FRMD3: variants seen among roughly 807,000 people sequenced by gnomAD.
FRMD3 encodes the protein FERM domain containing 3.
FRMD3 carries 33 observed loss-of-function variants against 70.2 expected under a neutral mutation model. The observed-to-expected ratio is 0.47, with a 90% CI of 0.36 to 0.63. FRMD3 has a LOEUF of 0.63. Ranked by LOEUF, FRMD3 falls within the 20% of genes least tolerant of loss-of-function variation. The probability of loss-of-function intolerance (pLI) is 0.00; values close to 1 mark genes in which losing one functional copy is unlikely to be tolerated. For synonymous variants in FRMD3, 279 were observed against 255.9 expected, an observed-to-expected ratio of 1.09 and a Z score of -0.86; for missense variants, 632 against 711.4, an observed-to-expected ratio of 0.89 and a Z score of 1.27.
At chr9:83,260,177 G>C (rs1270163143) in intron 13 of FRMD3, among the ~76,000 whole-genome samples, 1 of 152,106 alleles carries the variant, frequency 6.6e-6, no homozygotes, top group African/African-American at 2.4e-5. Flanking sequence ...AAGGAGACAG[G>C]GGCACTAAGA....
chr9:83,471,566 C>G (rs139050249), intron 1 of FRMD3, among the ~76,000 whole-genome samples: 1 of 152,196 alleles, frequency 6.6e-6, no homozygotes, highest in East Asian at 1.9e-4. Flanking sequence ...CAGGAAAGCC[C>G]GTACTGCTCC....
At chr9:83,347,938 T>C (rs1384855220) in intron 4 of FRMD3, among the ~76,000 whole-genome samples, 2 of 152,232 alleles carry the variant, frequency 1.3e-5, no homozygotes, top group Non-Finnish European at 2.9e-5. Flanking sequence ...GATATTCCAC[T>C]ATTCATACCT....
chr9:83,301,470 T>G (rs1834922984), intron 10 of FRMD3, among the ~76,000 whole-genome samples: 1 of 151,650 alleles, frequency 6.6e-6, no homozygotes, highest in African/African-American at 2.4e-5. Context: ...TTATTGTGTA[T>G]GTGTTTTTTT....
In FRMD3 at chr9:83,299,373, G is replaced by T. The variant is rs1271726471; in HGVS notation, c.927-187C>A. Among the ~76,000 whole-genome samples, 4 of 152,302 alleles carry T rather than the reference G, an allele frequency of 2.6e-5. No homozygotes were observed. The East Asian group carries it at 7.7e-4, about 29-fold the overall frequency. ...AAAAGAATAGTTACTTTCACTATGTGTATTGCATTCTAATATTTTCTACGC... is the reference window on the plus strand; with the variant it reads ...AAAAGAATAGTTACTTTCACTATGTTTATTGCATTCTAATATTTTCTACGC... On this transcript the variant is annotated intron_variant, in intron 10 of 13. Transcript: ENST00000304195.
chr9:83,466,187 C>G (rs549080552), intron 1 of FRMD3, among the ~76,000 whole-genome samples: 136 of 152,320 alleles, frequency 8.9e-4, no homozygotes, highest in African/African-American at 3.0e-3. Context: ...GTAGCCTTCC[C>G]TGTAACTACC....
At chr9:83,491,326 G>A (rs1342323909) in intron 1 of FRMD3, among the ~76,000 whole-genome samples, 1 of 152,290 alleles carries the variant, frequency 6.6e-6, no homozygotes, top group South Asian at 2.1e-4. Flanking sequence ...GATCATAAAT[G>A]TGTTTGAGAC....
chr9:83,514,610 T>A (rs1030447035), intron 1 of FRMD3, among the ~76,000 whole-genome samples: 15 of 152,186 alleles, frequency 9.9e-5, no homozygotes, highest in African/African-American at 3.6e-4. Context: ...GCTCGAGCTC[T>A]GCTAAGGGAC....
At chr9:83,429,447 T>A (rs1187629773) in intron 1 of FRMD3, among the ~76,000 whole-genome samples, 1 of 152,084 alleles carries the variant, frequency 6.6e-6, no homozygotes, top group Non-Finnish European at 1.5e-5. Flanking sequence ...TTACAAACAT[T>A]CTCCCCAGGA....
intron 12 of FRMD3, among the ~76,000 whole-genome samples, chr9:83,292,442 G>C (rs1366527042): frequency 6.6e-6 from 1 of 151,974 alleles, no homozygotes; most frequent in Admixed American, 6.6e-5. Context: ...TTACAGGCTT[G>C]AGCCACTACG....
chr9:83,291,374 G>A (rs1203191403), intron 12 of FRMD3, among the ~76,000 whole-genome samples: 2 of 152,158 alleles, frequency 1.3e-5, no homozygotes, highest in Non-Finnish European at 2.9e-5. Flanking sequence ...GTTGGGAGCT[G>A]GGGAGCCCGC....
chr9:83,330,627 T>C (rs1836221688), intron 6 of FRMD3, among the ~76,000 whole-genome samples: 1 of 152,232 alleles, frequency 6.6e-6, no homozygotes, highest in South Asian at 2.1e-4. Flanking sequence ...CTAGGACCCA[T>C]AGGCCAAATG....
At chr9:83,567,476 T>G in the FRMD3 span, among the ~76,000 whole-genome samples, 1 of 152,234 alleles carries the variant, frequency 6.6e-6, no homozygotes, top group Non-Finnish European at 1.5e-5. Context: ...GCAACTGGTT[T>G]GAATTTCTCC....
intron 2 of FRMD3, among the ~76,000 whole-genome samples, chr9:83,380,547 A>G (rs1825322322): frequency 6.6e-6 from 1 of 152,176 alleles, no homozygotes; most frequent in Non-Finnish European, 1.5e-5. Context: ...CAAATGGTGC[A>G]TATCTTTCAT....
At chr9:83,350,625 A>AAG (rs1824118853) in intron 3 of FRMD3, 1 of 357,714 alleles carries the variant, frequency 2.8e-6, no homozygotes, top group African/African-American at 2.2e-5. Context: ...CTCCATCTCA[A>AAG]AAAAAAAAAA....
At chr9:83,275,120 C>T (rs1305833512) in intron 13 of FRMD3, among the ~76,000 whole-genome samples, 3 of 152,090 alleles carry the variant, frequency 2.0e-5, no homozygotes, top group African/African-American at 7.2e-5. Flanking sequence ...TGTTATGTGC[C>T]CTCCAGGTGG....
chr9:83,465,228 T>C (rs1167240795), intron 1 of FRMD3, among the ~76,000 whole-genome samples: 2 of 152,106 alleles, frequency 1.3e-5, no homozygotes, highest in Non-Finnish European at 2.9e-5. Context: ...GAAACTGTCA[T>C]GACCCCAGGA....
chr9:83,526,704 G>A (rs1162592583), intron 1 of FRMD3, among the ~76,000 whole-genome samples: 2 of 152,048 alleles, frequency 1.3e-5, no homozygotes, highest in East Asian at 3.9e-4. Context: ...CTTGATGACG[G>A]CTGATTTTAT....
At chr9:83,557,770 G>A in the FRMD3 span, among the ~76,000 whole-genome samples, 6 of 152,174 alleles carry the variant, frequency 3.9e-5, no homozygotes, top group Non-Finnish European at 5.9e-5. Context: ...AAAGAAATAT[G>A]ATGGAAACAC....
At chr9:83,351,246 A>C (rs1824145207) in intron 3 of FRMD3, among the ~76,000 whole-genome samples, 1 of 152,070 alleles carries the variant, frequency 6.6e-6, no homozygotes, top group South Asian at 2.1e-4. Context: ...AATTATTAAA[A>C]AGGATTTGAT....
Sources: gnomAD v4.1 joint callset for allele counts (sites outside exome capture counted in the v4.1 genomes callset) on GRCh38, gnomAD v4.1.1 for gene constraint, MANE v1.5 for transcripts, NCBI Gene and HGNC (gene_info 2026-07-23, HGNC 2026-07-21) for gene names.